Variants in FBXL18 observed in about 807,000 individuals in gnomAD.
FBXL18 encodes the protein F-box/LRR-repeat protein 18.
A neutral mutation model predicts 46.0 loss-of-function variants in FBXL18; 36 were observed. That is an observed-to-expected ratio of 0.78 (90% CI 0.60 to 1.03). The LOEUF (loss-of-function observed/expected upper bound fraction) is 1.03, where lower values mean the gene tolerates loss of function less well. FBXL18 is among the 50% of genes least tolerant of loss of function. The probability of loss-of-function intolerance (pLI) is 0.00; values close to 1 mark genes in which losing one functional copy is unlikely to be tolerated. For synonymous variants in FBXL18, 557 were observed against 465.3 expected, an observed-to-expected ratio of 1.20 and a Z score of -2.54; for missense variants, 977 against 1,004.1, an observed-to-expected ratio of 0.97 and a Z score of 0.36.
chr7:5,513,763 C>T lies in FBXL18; in HGVS notation c.-89G>A. On this transcript the variant is annotated 5_prime_UTR_variant, in exon 1 of 5. Transcript: ENST00000382368. Reference sequence around the variant, plus strand: ...TAGGGATGCTCGAAGCCGGCGCGTCCACCGCTCAACCGAGACCCCGGCAAG... The same window carrying T: ...TAGGGATGCTCGAAGCCGGCGCGTCTACCGCTCAACCGAGACCCCGGCAAG... 6.6e-7 allele frequency: 1 copy of T among 1,524,678 alleles called. No homozygotes were observed. The highest frequency in any genetic ancestry group is 8.9e-7 in the Non-Finnish European group (1 of 1,129,074). 94.4% of individuals were successfully genotyped at this position (1,524,678 alleles called of 1,614,324 possible). A position where few individuals can be genotyped will look rare whatever the true frequency, so the allele number is the denominator to read the frequency against.
chr7:5,504,788 C>A (rs1306170243), intron 2 of FBXL18, among the ~76,000 whole-genome samples: 1 of 149,224 alleles, frequency 6.7e-6, no homozygotes, highest in Admixed American at 6.6e-5. Flanking sequence ...TGGTGGCGGG[C>A]GCCTGTAGTC....
intron 3 of FBXL18, 115 bp downstream of exon 3, chr7:5,500,373 C>T: frequency 2.0e-6 from 2 of 984,092 alleles, no homozygotes; most frequent in Admixed American, 2.5e-5. Flanking sequence ...TGCGAGGCCC[C>T]GCCCCAGCCT....
At chr7:5,486,246 C>A (rs1783772593) in intron 4 of FBXL18, among the ~76,000 whole-genome samples, 1 of 64,644 alleles carries the variant, frequency 1.5e-5, no homozygotes, top group African/African-American at 7.4e-5. Context: ...AGCAAAACTC[C>A]ATCTCAAAAA....
chr7:5,493,267 C>T (rs934598787), intron 3 of FBXL18, among the ~76,000 whole-genome samples: 2 of 152,298 alleles, frequency 1.3e-5, no homozygotes, highest in African/African-American at 4.8e-5. Flanking sequence ...CCCAGGACTT[C>T]GAGGCTGCAG....
At chr7:5,456,007 A>C (rs1358095866) in intron 4 of FBXL18, among the ~76,000 whole-genome samples, 1 of 151,918 alleles carries the variant, frequency 6.6e-6, no homozygotes, top group African/African-American at 2.4e-5. Flanking sequence ...AAACCCCAAG[A>C]ACCCGTTTGC....
rs77316960 is a variant in FBXL18, at chr7:5,455,763, A to C, written c.2001-7920T>G. ...CCCCCACCCCCACTACACACACACA[A>C]ACACACACACACACACACACACACC... is the stretch of plus-strand genomic sequence containing the variant. On this transcript the variant is annotated intron_variant and NMD_transcript_variant, in intron 4 of 6. Coordinates refer to the FBXL18 transcript ENST00000415009. The surrounding 1 kb of genome is among the most constrained non-coding windows in gnomAD (Gnocchi z 4.6). 2.8e-5 allele frequency among the ~76,000 whole-genome samples: 4 copies of C among 142,620 alleles called. No individual in the cohort carries two copies. The highest frequency in any genetic ancestry group is 7.8e-5 in the African/African-American group (3 of 38,330). 93.6% of individuals were successfully genotyped at this position (142,620 alleles called of 152,430 possible).
At chr7:5,512,779 GA>G (rs1230178013) in intron 1 of FBXL18, among the ~76,000 whole-genome samples, 3 of 152,024 alleles carry the variant, frequency 2.0e-5, no homozygotes, top group African/African-American at 7.3e-5. Flanking sequence ...TGTCAATCAA[GA>G]AGCCACTGGG....
intron 1 of FBXL18, among the ~76,000 whole-genome samples, chr7:5,509,914 A>C (rs1784486996): frequency 6.6e-6 from 1 of 151,970 alleles, no homozygotes; most frequent in Admixed American, 6.6e-5. Flanking sequence ...GGGCGAGTTG[A>C]GTCATTTCCC....
chr7:5,506,754 G>A (rs1270417947), intron 1 of FBXL18, among the ~76,000 whole-genome samples: 2 of 152,106 alleles, frequency 1.3e-5, no homozygotes, highest in Non-Finnish European at 2.9e-5. Context: ...ACGGGGTTTT[G>A]CCCTGTTGGT....
At chr7:5,511,033 T>C (rs1784518324) in intron 1 of FBXL18, among the ~76,000 whole-genome samples, 1 of 152,254 alleles carries the variant, frequency 6.6e-6, no homozygotes, top group South Asian at 2.1e-4. Flanking sequence ...TTCAAAACCC[T>C]TCCTTTGTAG....
At chr7:5,502,691 T>G (rs1784297846) in intron 2 of FBXL18, among the ~76,000 whole-genome samples, 1 of 150,452 alleles carries the variant, frequency 6.6e-6, no homozygotes, top group Admixed American at 6.6e-5. Context: ...ATTAGCTGGG[T>G]GTGGTGGCAG....
chr7:5,507,996 T>C (rs952509032), intron 1 of FBXL18, among the ~76,000 whole-genome samples: 5 of 151,514 alleles, frequency 3.3e-5, no homozygotes, highest in Non-Finnish European at 7.4e-5. Flanking sequence ...AGGCCAGACG[T>C]GGTGGCTCAC....
chr7:5,494,507 T>C (rs1784022523), intron 3 of FBXL18, among the ~76,000 whole-genome samples: 1 of 152,210 alleles, frequency 6.6e-6, no homozygotes, highest in Admixed American at 6.5e-5. Flanking sequence ...TTTCTATATT[T>C]GTTTTGTTAA....
intron 1 of FBXL18, among the ~76,000 whole-genome samples, chr7:5,507,590 G>C (rs1584244483): frequency 6.6e-6 from 1 of 151,746 alleles, no homozygotes; most frequent in Non-Finnish European, 1.5e-5. Flanking sequence ...AATCCCAGCA[G>C]TTTGGGAGGC....
chr7:5,484,523 T>C (rs986336411), intron 4 of FBXL18, among the ~76,000 whole-genome samples: 3 of 151,742 alleles, frequency 2.0e-5, no homozygotes, highest in Non-Finnish European at 1.5e-5. Flanking sequence ...GATTTTTCTT[T>C]TTTTTTCGAG....
chr7:5,486,957 A>G lies in FBXL18; in HGVS notation c.2000+4274T>C, dbSNP rs76838739. Among the ~76,000 whole-genome samples the G allele has an allele frequency of 9.7e-3, 1,474 of 152,340 alleles. 24 individuals are homozygous for G. Among genetic ancestry groups the G allele is most frequent in the African/African-American group, 0.034 (1,397 of 41,584 alleles). ...GCAGGAAAAAAGACGAGAAAGAGAAAAGCGTCAGGAAAAGCGAGAGCAAAC... is the reference window on the plus strand; with the variant it reads ...GCAGGAAAAAAGACGAGAAAGAGAAGAGCGTCAGGAAAAGCGAGAGCAAAC... On this transcript the variant is annotated intron_variant, in intron 4 of 4. Transcript: ENST00000382368.
At position 5,508,590 on chromosome 7, in the gene FBXL18, C is replaced by G. The variant is rs560153995; in HGVS notation, c.19-2960G>C. Among the ~76,000 whole-genome samples the G allele has an allele frequency of 9.2e-3, 1,381 of 149,422 alleles. 35 individuals carry two copies. Among genetic ancestry groups the G allele is most frequent in the African/African-American group, 0.033 (1,329 of 40,672 alleles). On this transcript the variant is annotated intron_variant, in intron 1 of 4. Transcript: ENST00000382368. ...TGCCACTGCACTCCAGCCTGGATGACAGAGAGAGACCTTGTCTCAAAAAAA... is the reference window on the plus strand; with the variant it reads ...TGCCACTGCACTCCAGCCTGGATGAGAGAGAGAGACCTTGTCTCAAAAAAA...
chr7:5,468,199 G>A (rs1410627454), intron 4 of FBXL18, among the ~76,000 whole-genome samples: 1 of 152,088 alleles, frequency 6.6e-6, no homozygotes, highest in East Asian at 1.9e-4. Context: ...TAGCCAGGAT[G>A]GTCTCGATCT....
chr7:5,465,543 TAGCTCACGGC>T (rs1192688309), intron 4 of FBXL18, among the ~76,000 whole-genome samples: 1 of 151,876 alleles, frequency 6.6e-6, no homozygotes, highest in Non-Finnish European at 1.5e-5. Flanking sequence ...GGTGCGATCA[TAGCTCACGGC>T]AGCTTTGAAC....
Sources: gnomAD v4.1 joint callset for allele counts (sites outside exome capture counted in the v4.1 genomes callset) on GRCh38, gnomAD v4.1.1 for gene constraint, Gnocchi (gnomAD v3.1) non-coding constraint, MANE v1.5 for transcripts, NCBI Gene and HGNC (gene_info 2026-07-23, HGNC 2026-07-21) for gene names.